PLEC: variants seen among roughly 807,000 people sequenced by gnomAD.
The protein encoded by PLEC is hemidesmosomal protein 1.
PLEC carries 216 observed loss-of-function variants against 392.8 expected under a neutral mutation model. That is an observed-to-expected ratio of 0.55 (90% confidence interval 0.49 to 0.62). PLEC has a LOEUF of 0.62. PLEC is among the 20% of genes least tolerant of loss of function. The probability of loss-of-function intolerance (pLI) is 0.00; values close to 1 mark genes in which losing one functional copy is unlikely to be tolerated. For synonymous variants in PLEC, 3,621 were observed against 2,980.6 expected (o/e 1.21, Z -7.00); for missense variants, 6,863 against 6,563.4 (o/e 1.05, Z -1.58).
At chr8:143,930,562 C>T (rs377301942) in intron 19 of PLEC, 26 bp from the exon 20 acceptor site, 131 of 1,567,682 alleles carry the variant, frequency 8.4e-5, no homozygotes, top group Admixed American at 2.4e-4. Flanking sequence ...AGCATCCAGA[C>T]GAGGGCCATG....
rs1554722804 is a variant in PLEC at position 143,935,892 on chromosome 8, G to A, written c.558C>T (p.Ser186=). 2 of 1,612,966 alleles carry A rather than the reference G, an allele frequency of 1.2e-6. No homozygotes were observed. The highest frequency in any genetic ancestry group is 2.2e-5 in the South Asian group (2 of 91,090). The change falls in exon 6 of 32, where the codon AGC becomes AGT. Residue 186 remains serine, a synonymous_variant. Transcript: ENST00000345136. ...QGLRCDNFTS[S]WRDGRLFNAI... is the part of the protein sequence containing the mutation. ...CATTGAAGAGGCGGCCGTCTCTCCA[G>A]CTGGAGGTGAAGTTGTCGCATCGCA...
rs200060348 is a variant in PLEC, at chr8:143,919,448, C to T, written c.10373G>A (p.Arg3458Gln). The stretch of plus-strand genomic sequence containing the variant: ...CTCCAGCAGGCGGATGCCGTGCTGC[C>T]GGAGAACCAGGCCCTTCTGCATGGC... ...FQAMQKGLVL[R>Q]QHGIRLLEAQ... The change falls in exon 32 of 32, where the codon CGG (arginine) becomes CAG (glutamine). Residue 3458 changes from arginine to glutamine, a missense_variant. Physicochemically the swap from Arg to Gln is conservative, Grantham distance 43. Coordinates refer to ENST00000345136, the MANE Select transcript of PLEC (RefSeq NM_201384.3). 5.2e-5 allele frequency: 84 copies of T among 1,613,136 alleles called. 1 individual carries two copies. Among genetic ancestry groups the T allele is most frequent in the Non-Finnish European group, 6.6e-5 (78 of 1,179,848 alleles).
At chr8:143,975,392 A>AG (rs782061673), upstream of PLEC, 216 of 1,600,592 alleles carry the variant, frequency 1.3e-4, no homozygotes, top group East Asian at 3.9e-3. The surrounding 1 kb of genome is among the most constrained non-coding windows in gnomAD (Gnocchi z 9.9). Flanking sequence ...GGGGAGCAGG[A>AG]GGGGTCACAT....
chr8:143,934,070 G>C lies in PLEC; in HGVS notation c.1191C>G (p.Ile397Met), dbSNP rs781888321. The C allele has an allele frequency of 1.1e-5, 18 of 1,611,754 alleles. No individual in the cohort carries two copies. In the East Asian group the frequency reaches 3.8e-4, roughly 34 times the overall value. ...CCGCCTCCATCTGCAGCTTGGTCACGATGCGCTGAAGACACTCCAGCCTGC... is the reference window on the plus strand; with the variant it reads ...CCGCCTCCATCTGCAGCTTGGTCACCATGCGCTGAAGACACTCCAGCCTGC... ...EFERLECLQRIVTKLQMEAGL... is the reference protein window; with the variant it reads ...EFERLECLQRMVTKLQMEAGL... Residue 397 changes from isoleucine to methionine, a missense_variant, in exon 12 of 32, where the codon ATC becomes ATG. Physicochemically the swap from Ile to Met is conservative, Grantham distance 10. Coordinates refer to ENST00000345136, the MANE Select transcript of PLEC (RefSeq NM_201384.3).
In PLEC at chr8:143,938,686, C is replaced by T. The variant is rs1310146373; in HGVS notation, c.119G>A (p.Arg40Gln). The T allele has an allele frequency of 6.2e-6, 10 of 1,613,794 alleles. No individual in the cohort carries two copies. Among genetic ancestry groups the T allele is most frequent in the Non-Finnish European group, 8.5e-6 (10 of 1,179,944 alleles). Residue 40 changes from arginine to glutamine, a missense_variant, in exon 2 of 32, where the codon CGG becomes CAG. Arg to Gln is a conservative substitution (Grantham distance 43, BLOSUM62 1). Transcript: ENST00000345136. ...GAAGGTTTTCTTCTGCACACGATCCCGCTCATCTGGGGGAGACAAGACCAG... is the reference window on the plus strand; with the variant it reads ...GAAGGTTTTCTTCTGCACACGATCCTGCTCATCTGGGGGAGACAAGACCAG... The part of the protein sequence containing the change: ...LRASEGKKDE[R>Q]DRVQKKTFTK...
In PLEC at chr8:143,927,026, G is replaced by A. The variant is rs201955391; in HGVS notation, c.3896C>T (p.Pro1299Leu). The A allele has an allele frequency of 3.2e-5, 52 of 1,612,652 alleles. 1 individual carries two copies. The highest frequency in any genetic ancestry group is 8.0e-5 in the African/African-American group (6 of 75,062). Residue 1299 changes from proline (P) to leucine (L), a missense_variant, in exon 29 of 32, where the codon CCG (proline) becomes CTG (leucine). Physicochemically the swap from Pro to Leu is moderately conservative, Grantham distance 98. Transcript: ENST00000345136. ...CGACTGGACCTTGGGCTTCTTGGCC[G>A]GGGAGGCCACCGGCTCAAGCTGCGC... ...YKAQLEPVASPAKKPKVQSGS... is the reference protein window; with the variant it reads ...YKAQLEPVASLAKKPKVQSGS...
chr8:143,920,412 G>A lies in PLEC; in HGVS notation c.9409C>T (p.Gln3137Ter). The A allele has an allele frequency of 6.3e-7, 1 of 1,594,440 alleles. No homozygotes were observed. Among genetic ancestry groups the A allele is most frequent in the Non-Finnish European group, 8.5e-7 (1 of 1,173,442 alleles). Residue 3137 changes from glutamine (Q) to a stop codon, truncating the protein, a stop_gained, in exon 32 of 32, where the codon CAG (glutamine) becomes TAG (stop). Coordinates refer to ENST00000345136, the MANE Select transcript of PLEC (RefSeq NM_201384.3). LOFTEE classifies it high-confidence loss of function. ...REQGLRLLDA[Q>*]LSTGGIVDPS... is the part of the protein sequence containing the mutation. ...TCCACGATGCCGCCCGTGGACAGCT[G>A]GGCGTCCAACAGGCGCAGGCCCTGC...
At position 143,922,277 on chromosome 8, in the gene PLEC, T is replaced by A; in HGVS notation, c.7544A>T (p.Lys2515Met). 6.2e-7 allele frequency: 1 copy of A among 1,605,386 alleles called. No homozygotes were observed. Among genetic ancestry groups the A allele is most frequent in the Non-Finnish European group, 8.5e-7 (1 of 1,178,716 alleles). ...RERFIEQEKA[K>M]LEQLFQDEVA... Reference sequence around the variant, plus strand: ...CTCGTCCTGGAAGAGCTGCTCCAGCTTGGCCTTCTCCTGCTCGATGAAGCG... The same window carrying A: ...CTCGTCCTGGAAGAGCTGCTCCAGCATGGCCTTCTCCTGCTCGATGAAGCG... Residue 2515 changes from lysine to methionine, a missense_variant, in exon 32 of 32, where the codon AAG becomes ATG. Physicochemically the swap from Lys to Met is moderately conservative, Grantham distance 95. Coordinates refer to ENST00000345136, the MANE Select transcript of PLEC (RefSeq NM_201384.3).
At chr8:143,951,652 C>A (rs1554736702), upstream of PLEC, among the ~76,000 whole-genome samples, 1 of 152,162 alleles carries the variant, frequency 6.6e-6, no homozygotes, top group African/African-American at 2.4e-5. Context: ...TGTTGGAGGC[C>A]AGAGATTCCC....
upstream of PLEC, chr8:143,943,795 C>T (rs1419501215): frequency 1.7e-5 from 28 of 1,611,878 alleles, no homozygotes; most frequent in Non-Finnish European, 2.4e-5. Context: ...CGTCCTGCGC[C>T]CACCGACGTC....
At chr8:143,953,432 G>A (rs2132780789), upstream of PLEC, among the ~76,000 whole-genome samples, 1 of 151,684 alleles carries the variant, frequency 6.6e-6, no homozygotes, top group African/African-American at 2.4e-5. Flanking sequence ...AGCTCCCACT[G>A]TGTCCCTGTC....
At position 143,927,412 on chromosome 8, in the gene PLEC, G is replaced by T. The variant is rs1554707318; in HGVS notation, c.3754C>A (p.Gln1252Lys). 1 of 1,604,838 alleles carries T rather than the reference G, an allele frequency of 6.2e-7. No homozygotes were observed. The highest frequency in any genetic ancestry group is 2.2e-5 in the East Asian group (1 of 44,864). The stretch of plus-strand genomic sequence containing the variant: ...CGTCCCCACCGACCCAAGCCCACCT[G>T]CTCCTGCCGCAGCTGCTCCCGCACA... ...QAVREQLRQE[Q>K]ALLEEIERHG... The change falls in exon 27 of 32, where the codon CAG becomes AAG. Residue 1252 changes from glutamine (Q) to lysine (K), a missense_variant and splice_region_variant. Transcript: ENST00000345136.
chr8:143,925,347 C>T lies in PLEC; in HGVS notation c.4582G>A (p.Ala1528Thr). Reference sequence around the variant, plus strand: ...TGCAGGGCCCGCTGCTTCTCGCGCGCCGCCTCGGCCTCGGCCTTCACGCGC... The same window carrying T: ...TGCAGGGCCCGCTGCTTCTCGCGCGTCGCCTCGGCCTCGGCCTTCACGCGC... Reference protein sequence around the residue: ...ASRVKAEAEAAREKQRALQAL... With the variant: ...ASRVKAEAEATREKQRALQAL... Residue 1528 changes from alanine to threonine, a missense_variant, in exon 31 of 32, where the codon GCG becomes ACG. Transcript: ENST00000345136. 6.4e-7 allele frequency: 1 copy of T among 1,551,274 alleles called. No individual in the cohort carries two copies. Among genetic ancestry groups the T allele is most frequent in the Non-Finnish European group, 8.6e-7 (1 of 1,156,186 alleles).
chr8:143,972,540 G>C (rs916689833), intron 1 of PLEC, among the ~76,000 whole-genome samples: 1 of 152,238 alleles, frequency 6.6e-6, no homozygotes, highest in Admixed American at 6.5e-5. Context: ...AGCTGCCCTT[G>C]GGGGCAGAGC....
In PLEC at chr8:143,920,415, C is replaced by T. The variant is rs200680102; in HGVS notation, c.9406G>A (p.Ala3136Thr). 85 of 1,593,818 alleles carry T rather than the reference C, an allele frequency of 5.3e-5. No homozygotes were observed. Among genetic ancestry groups the T allele is most frequent in the East Asian group, 6.7e-5 (3 of 44,640 alleles). ...PREQGLRLLD[A>T]QLSTGGIVDP... Reference sequence around the variant, plus strand: ...ACGATGCCGCCCGTGGACAGCTGGGCGTCCAACAGGCGCAGGCCCTGCTCC... The same window carrying T: ...ACGATGCCGCCCGTGGACAGCTGGGTGTCCAACAGGCGCAGGCCCTGCTCC... The change falls in exon 32 of 32, where the codon GCC becomes ACC. Residue 3136 changes from alanine (A) to threonine (T), a missense_variant. By Grantham distance (58) the Ala-to-Thr change is moderately conservative. Coordinates refer to ENST00000345136, the MANE Select transcript of PLEC (RefSeq NM_201384.3).
upstream of PLEC, chr8:143,953,934 C>G: frequency 7.1e-7 from 1 of 1,402,414 alleles, no homozygotes; most frequent in Non-Finnish European, 9.2e-7. Context: ...CCGGACAGGG[C>G]CGCCCCGGGC....
chr8:143,974,656 C>G (rs1302542274), upstream of PLEC, among the ~76,000 whole-genome samples: 3 of 152,242 alleles, frequency 2.0e-5, no homozygotes, highest in African/African-American at 7.2e-5. The surrounding 1 kb of genome is among the most constrained non-coding windows in gnomAD (Gnocchi z 5.9). Context: ...GCTCCTCCCT[C>G]TCCTAGCACA....
intron 1 of PLEC, among the ~76,000 whole-genome samples, chr8:143,948,883 C>T (rs1462718706): frequency 3.3e-5 from 5 of 152,228 alleles, no homozygotes; most frequent in Non-Finnish European, 7.4e-5. Flanking sequence ...TGGGAGAGGA[C>T]AGCAGGAAGG....
chr8:143,971,750 G>A (rs1554744410), intron 1 of PLEC, among the ~76,000 whole-genome samples: 2 of 152,276 alleles, frequency 1.3e-5, no homozygotes, highest in African/African-American at 4.8e-5. Context: ...GCGGGCAGCT[G>A]CACCATCACG....
Sources: gnomAD v4.1 joint callset for allele counts (sites outside exome capture counted in the v4.1 genomes callset) on GRCh38, gnomAD v4.1.1 for gene constraint, Gnocchi (gnomAD v3.1) non-coding constraint, MANE v1.5 for transcripts, NCBI Gene and HGNC (gene_info 2026-07-23, HGNC 2026-07-21) for gene names.